Variants in TENM1 observed in about 807,000 individuals in gnomAD.
TENM1 encodes teneurin transmembrane protein 1, also known as teneurin-1.
Under a neutral mutation model 174.8 loss-of-function variants are expected in TENM1, and 35 were observed. The observed-to-expected ratio is 0.20, with a 90% confidence interval of 0.15 to 0.27. The LOEUF is 0.27. TENM1 is among the 10% of genes least tolerant of loss of function. The pLI is 1.00. For synonymous variants in TENM1, 781 were observed against 798.7 expected (o/e 0.98, Z 0.37); for missense variants, 1,633 against 2,130.1 (o/e 0.77, Z 4.59).
At position 124,380,119 on chromosome X, in the gene TENM1, G is replaced by A. The variant is rs1220939901; in HGVS notation, c.*417C>T. The A allele has an allele frequency of 4.2e-5, 5 of 118,366 alleles. No homozygotes were observed. The Admixed American group carries it at 4.6e-4, about 11-fold the overall frequency. The allele number at this position is 118,366 out of a possible 1,213,427, so 9.8% of individuals were successfully genotyped here. A position where few individuals can be genotyped will look rare whatever the true frequency, so the allele number is the denominator to read the frequency against. On this transcript the variant is annotated 3_prime_UTR_variant, in exon 32 of 32. Coordinates refer to ENST00000422452, the Ensembl canonical transcript of TENM1. ...GGGCTGGCAGTCTTTCGAAAGGCAAGTTTCAGATACTATTGCACCACCTAT... is the reference window on the plus strand; with the variant it reads ...GGGCTGGCAGTCTTTCGAAAGGCAAATTTCAGATACTATTGCACCACCTAT...
chrX:124,999,327 T>C, the TENM1 span, among the ~76,000 whole-genome samples: 1 of 111,032 alleles, frequency 9.0e-6, no homozygotes, highest in Admixed American at 9.6e-5. Context: ...ATAGTATGGA[T>C]ATTCAAATGT....
At chrX:124,768,702 T>A (rs1458599406) in intron 3 of TENM1, among the ~76,000 whole-genome samples, 1 of 112,497 alleles carries the variant, frequency 8.9e-6, no homozygotes, top group Admixed American at 9.4e-5. Context: ...GCAATCTAAT[T>A]CTTTGGCTTC....
chrX:124,748,094 G>T (rs1410818608), intron 3 of TENM1, among the ~76,000 whole-genome samples: 1 of 110,928 alleles, frequency 9.0e-6, no homozygotes, highest in African/African-American at 3.3e-5. Flanking sequence ...TATGCTCCTG[G>T]TCTCATCAGC....
intron 3 of TENM1, among the ~76,000 whole-genome samples, chrX:124,761,243 C>T (rs916109867): frequency 1.7e-4 from 19 of 110,630 alleles, no homozygotes; most frequent in Admixed American, 1.4e-3. Context: ...CACATGCACA[C>T]GTATGTTCAC....
At chrX:125,186,880 A>T in the TENM1 span, among the ~76,000 whole-genome samples, 1 of 111,975 alleles carries the variant, frequency 8.9e-6, no homozygotes, top group African/African-American at 3.2e-5. Flanking sequence ...GATCCCTACT[A>T]ATTTACTCCA....
the TENM1 span, among the ~76,000 whole-genome samples, chrX:124,996,247 C>A: frequency 2.7e-5 from 3 of 110,579 alleles, no homozygotes; most frequent in African/African-American, 9.8e-5. Flanking sequence ...TCTGACCTAG[C>A]TTTTTGCAAA....
At chrX:124,523,435 C>T (rs1447457356) in exon 17 of TENM1, 2 of 1,209,952 alleles carry the variant, frequency 1.7e-6, no homozygotes, top group African/African-American at 1.7e-5. Context: ...GAAGGAAGCA[C>T]AATAGGGTTT....
chrX:124,384,506 A>G lies in TENM1; in HGVS notation c.6425T>C (p.Ile2142Thr), dbSNP rs1603244414. ...ATCTACTCCTACCCTTATGTCACATATTACCATGCGGCCCACATTATCATA... is the reference window on the plus strand; with the variant it reads ...ATCTACTCCTACCCTTATGTCACATGTTACCATGCGGCCCACATTATCATA... The change falls in exon 30 of 32, where the codon ATA becomes ACA. Residue 2142 changes from isoleucine (I) to threonine (T), a missense_variant. By Grantham distance (89) the Ile-to-Thr change is moderately conservative (BLOSUM62 -1). Transcript: ENST00000422452. The G allele has an allele frequency of 2.5e-6, 3 of 1,210,809 alleles. No homozygotes were observed. Among genetic ancestry groups the G allele is most frequent in the Non-Finnish European group, 1.1e-6 (1 of 894,954 alleles).
chrX:124,839,748 T>C (rs1035400894), intron 3 of TENM1, among the ~76,000 whole-genome samples: 5 of 112,257 alleles, frequency 4.5e-5, no homozygotes, highest in Non-Finnish European at 9.4e-5. Context: ...AATGGTCATT[T>C]AGGCATGAAC....
chrX:124,585,776 T>A (rs2049487434), intron 11 of TENM1, among the ~76,000 whole-genome samples: 1 of 111,199 alleles, frequency 9.0e-6, no homozygotes, highest in Non-Finnish European at 1.9e-5. Context: ...TCAACAAAAC[T>A]GATAGACCGC....
At chrX:124,925,777 G>A (rs1044604080) in intron 1 of TENM1, among the ~76,000 whole-genome samples, 2 of 112,055 alleles carry the variant, frequency 1.8e-5, no homozygotes, top group African/African-American at 6.5e-5. Context: ...ATTTGTTCTA[G>A]TGGGTCACAA....
At chrX:125,162,588 C>A in the TENM1 span, among the ~76,000 whole-genome samples, 1 of 111,776 alleles carries the variant, frequency 8.9e-6, no homozygotes, top group Non-Finnish European at 1.9e-5. Context: ...GATTCTCATT[C>A]TTCTTTCTGC....
intron 11 of TENM1, among the ~76,000 whole-genome samples, chrX:124,637,982 C>A (rs1455693526): frequency 4.5e-5 from 5 of 112,198 alleles, no homozygotes; most frequent in Non-Finnish European, 9.4e-5. Flanking sequence ...CATTAAAATC[C>A]ATAGGGATGC....
intron 5 of TENM1, among the ~76,000 whole-genome samples, chrX:124,677,687 A>G (rs1271961856): frequency 9.0e-6 from 1 of 111,610 alleles, no homozygotes; most frequent in African/African-American, 3.2e-5. Flanking sequence ...TTACTATGAA[A>G]TCCTTTATAA....
At chrX:125,138,880 C>T in the TENM1 span, among the ~76,000 whole-genome samples, 2 of 110,304 alleles carry the variant, frequency 1.8e-5, no homozygotes, top group Admixed American at 9.7e-5. Context: ...ATGATTTGCC[C>T]GAATCCCCCA....
chrX:124,763,734 G>C (rs1229453132), intron 3 of TENM1, among the ~76,000 whole-genome samples: 1 of 112,002 alleles, frequency 8.9e-6, no homozygotes, highest in Non-Finnish European at 1.9e-5. Flanking sequence ...AGCTGAATCA[G>C]GTAATAGGCA....
At chrX:124,937,800 A>G (rs751923378) in intron 1 of TENM1, among the ~76,000 whole-genome samples, 4 of 112,091 alleles carry the variant, frequency 3.6e-5, no homozygotes, top group African/African-American at 1.3e-4. Context: ...ATCCTGCCTC[A>G]TATAGCAACT....
At chrX:124,563,978 G>A (rs976776517) in intron 12 of TENM1, among the ~76,000 whole-genome samples, 2 of 112,003 alleles carry the variant, frequency 1.8e-5, no homozygotes, top group Non-Finnish European at 3.8e-5. Flanking sequence ...TGGCATTTCT[G>A]CAAGAAACTC....
chrX:125,108,955 T>C, the TENM1 span, among the ~76,000 whole-genome samples: 1 of 110,730 alleles, frequency 9.0e-6, no homozygotes, highest in Non-Finnish European at 1.9e-5. Context: ...AAAGTCTCAT[T>C]AGACTTTGTG....
Sources: gnomAD v4.1 joint callset for allele counts (sites outside exome capture counted in the v4.1 genomes callset) on GRCh38, gnomAD v4.1.1 for gene constraint, MANE v1.5 for transcripts, NCBI Gene and HGNC (gene_info 2026-07-23, HGNC 2026-07-21) for gene names.